Variants in PCDHGA7 observed in about 807,000 individuals in gnomAD.
PCDHGA7 encodes the protein protocadherin gamma-A7.
Under a neutral mutation model 58.3 loss-of-function variants are expected in PCDHGA7, and 44 were observed. That is an observed-to-expected ratio of 0.75 (90% confidence interval 0.59 to 0.97). PCDHGA7 has a LOEUF of 0.97. PCDHGA7 is among the 50% of genes least tolerant of loss of function. The pLI is 0.00. For synonymous variants in PCDHGA7, 516 were observed against 504.2 expected (o/e 1.02, Z -0.31); for missense variants, 1,266 against 1,188.7 (o/e 1.06, Z -0.96).
chr5:141,410,645 A>G (rs755117096), intron 1 of PCDHGA7: 11 of 1,597,402 alleles, frequency 6.9e-6, no homozygotes, highest in Non-Finnish European at 9.3e-6. Flanking sequence ...TTTGTGTGTG[A>G]TTTATCTAAT....
At chr5:141,479,241 G>A (rs2099490987) in intron 1 of PCDHGA7, 1 of 152,174 alleles carries the variant, frequency 6.6e-6, no homozygotes, top group Non-Finnish European at 1.5e-5. Context: ...CAAACCCAAA[G>A]ATAACCATTT....
At position 141,389,870 on chromosome 5, in the gene PCDHGA7, C is replaced by T. The variant is rs1395147259; in HGVS notation, c.2424+4547C>T. On this transcript the variant is annotated intron_variant, in intron 1 of 3. Transcript: ENST00000518325. ...CCACTGCCACGTTGCACCTGGTCTT[C>T]GCCGACAGCTTGCAGGAGGTGCTGC... is the stretch of plus-strand genomic sequence containing the variant. The T allele has an allele frequency of 2.5e-6, 4 of 1,613,960 alleles. No individual in the cohort carries two copies. The South Asian group carries it at 3.3e-5, about 13-fold the overall frequency.
chr5:141,482,135 G>T (rs987110875), intron 1 of PCDHGA7, among the ~76,000 whole-genome samples: 1 of 151,836 alleles, frequency 6.6e-6, no homozygotes, highest in African/African-American at 2.4e-5. Context: ...CATATGGCTG[G>T]CATAAAAAGG....
intron 1 of PCDHGA7, chr5:141,392,574 C>G (rs2092557177): frequency 2.2e-6 from 1 of 454,134 alleles, no homozygotes; most frequent in African/African-American, 2.0e-5. Flanking sequence ...CTATTTAGGA[C>G]TGTAAGCGCC....
chr5:141,442,870 T>A (rs942975420), intron 1 of PCDHGA7, among the ~76,000 whole-genome samples: 1 of 152,192 alleles, frequency 6.6e-6, no homozygotes, highest in African/African-American at 2.4e-5. Flanking sequence ...AGATGTAAAT[T>A]TACAACTCAG....
Position 141,485,785 on chromosome 5 carries a change from G to C in PCDHGA7, c.2425-9022G>C. ...TGGAGAAGCCTTTGGATCGAGAGAAGCAATCGGACTACCGCCTGGTGCTGA... is the reference window on the plus strand; with the variant it reads ...TGGAGAAGCCTTTGGATCGAGAGAACCAATCGGACTACCGCCTGGTGCTGA... On this transcript the variant is annotated intron_variant, in intron 1 of 3. Coordinates refer to ENST00000518325, the MANE Select transcript of PCDHGA7 (RefSeq NM_018920.4). The surrounding 1 kb of genome is among the most constrained non-coding windows in gnomAD (Gnocchi z 5.7). The C allele has an allele frequency of 1.2e-6, 2 of 1,614,214 alleles. No individual in the cohort carries two copies. The highest frequency in any genetic ancestry group is 1.7e-6 in the Non-Finnish European group (2 of 1,180,030).
intron 2 of PCDHGA7, among the ~76,000 whole-genome samples, chr5:141,502,500 G>A (rs1398797155): frequency 6.6e-6 from 1 of 152,046 alleles, no homozygotes; most frequent in Non-Finnish European, 1.5e-5. Context: ...ATCTAACGTC[G>A]GCCTGTCCCA....
chr5:141,404,314 A>G (rs772060934), intron 1 of PCDHGA7: 1 of 1,613,922 alleles, frequency 6.2e-7, no homozygotes, highest in East Asian at 2.2e-5. Context: ...CTTTCTCTCA[A>G]GCCTCCTACT....
chr5:141,428,536 A>G (rs981530261), intron 1 of PCDHGA7: 1 of 273,778 alleles, frequency 3.7e-6, no homozygotes, highest in Non-Finnish European at 7.2e-6. Flanking sequence ...TTTTCTCACC[A>G]TGACACCAGA....
intron 2 of PCDHGA7, among the ~76,000 whole-genome samples, chr5:141,500,877 AT>A (rs369345007): frequency 5.2e-4 from 64 of 122,250 alleles, no homozygotes; most frequent in Admixed American, 1.0e-3. Context: ...TTCATTTACA[AT>A]TTTTTTTTTT....
intron 1 of PCDHGA7, among the ~76,000 whole-genome samples, chr5:141,467,359 A>G (rs997614051): frequency 1.3e-5 from 2 of 151,714 alleles, no homozygotes; most frequent in African/African-American, 4.8e-5. Context: ...GGCCAAATCA[A>G]CGTTTTCTTA....
At position 141,384,576 on chromosome 5, in the gene PCDHGA7, G is replaced by GCCCGAGAT. The variant is rs1429173266; in HGVS notation, c.1680_1687dup (p.Leu563ProfsTer29). On this transcript the variant is annotated frameshift_variant, in exon 1 of 4. Transcript: ENST00000518325. LOFTEE classifies it high-confidence loss of function. ...TCGTGCTGGACCAGAATGACAACCC[G>GCCCGAGAT]CCCGAGATCCTGTACCCGGCCCTCC... 1.9e-6 allele frequency: 3 copies of GCCCGAGAT among 1,614,060 alleles called. No individual in the cohort carries two copies. The highest frequency in any genetic ancestry group is 2.5e-6 in the Non-Finnish European group (3 of 1,180,042).
chr5:141,415,264 C>T, intron 1 of PCDHGA7: 3 of 1,614,210 alleles, frequency 1.9e-6, no homozygotes, highest in South Asian at 1.1e-5. Flanking sequence ...CACTCTGTAC[C>T]TGGTGGTAGC....
chr5:141,405,089 G>T, intron 1 of PCDHGA7: 2 of 1,613,878 alleles, frequency 1.2e-6, no homozygotes, highest in South Asian at 2.2e-5. Context: ...CACGCTGCTG[G>T]CCCTCAGGCT....
At chr5:141,466,022 T>C (rs1053231186) in intron 1 of PCDHGA7, among the ~76,000 whole-genome samples, 4 of 151,628 alleles carry the variant, frequency 2.6e-5, no homozygotes, top group African/African-American at 9.7e-5. Flanking sequence ...CTCGGGAGGG[T>C]GAGGCAGGAG....
At chr5:141,414,088 A>G in intron 1 of PCDHGA7, 3 of 1,599,384 alleles carry the variant, frequency 1.9e-6, no homozygotes, top group Non-Finnish European at 8.5e-7. Context: ...TACTGGAGAA[A>G]TAAAAATATC....
chr5:141,454,880 T>C (rs1561957456), intron 1 of PCDHGA7, among the ~76,000 whole-genome samples: 1 of 137,862 alleles, frequency 7.3e-6, no homozygotes, highest in Non-Finnish European at 1.5e-5. Flanking sequence ...CGATCTTGGC[T>C]CACTGCTAGC....
Position 141,384,179 on chromosome 5 carries a change from G to A in PCDHGA7, c.1280G>A (p.Gly427Asp), listed in dbSNP as rs1252177053. 1 of 1,613,830 alleles carries A rather than the reference G, an allele frequency of 6.2e-7. No homozygotes were observed. Among genetic ancestry groups the A allele is most frequent in the Middle Eastern group, 1.6e-4 (1 of 6,062 alleles). ...LYNITLKATD[G>D]GTPPLSRETH... is the part of the protein sequence containing the mutation. ...AACATCACACTGAAAGCCACAGATG[G>A]TGGAACTCCTCCCTTGTCCAGGGAA... Residue 427 changes from glycine (G) to aspartate (D), a missense_variant, in exon 1 of 4, where the codon GGT becomes GAT. By Grantham distance (94) the Gly-to-Asp change is moderately conservative. Coordinates refer to ENST00000518325, the MANE Select transcript of PCDHGA7 (RefSeq NM_018920.4).
intron 1 of PCDHGA7, chr5:141,414,723 C>T (rs775890033): frequency 1.9e-6 from 3 of 1,614,170 alleles, no homozygotes. Context: ...CAGACACTGG[C>T]GTCCTGTATG....
Sources: gnomAD v4.1 joint callset for allele counts (sites outside exome capture counted in the v4.1 genomes callset) on GRCh38, gnomAD v4.1.1 for gene constraint, Gnocchi (gnomAD v3.1) non-coding constraint, MANE v1.5 for transcripts, NCBI Gene and HGNC (gene_info 2026-07-23, HGNC 2026-07-21) for gene names.